Variants in GPR155 observed in about 807,000 individuals in gnomAD.
The protein encoded by GPR155 is lysosomal cholesterol signaling protein.
GPR155 carries 65 observed loss-of-function variants against 93.1 expected under a neutral mutation model. The ratio of observed to expected loss-of-function variants is 0.70; its 90% CI spans 0.57 to 0.86. GPR155 has a LOEUF of 0.86. GPR155 is among the 40% of genes least tolerant of loss of function. GPR155 has a pLI of 0.00. For synonymous variants in GPR155, 319 were observed against 360.1 expected (o/e 0.89, Z 1.29); for missense variants, 838 against 1,034.8 (o/e 0.81, Z 2.61).
intron 9 of GPR155, among the ~76,000 whole-genome samples, chr2:174,460,524 G>A (rs1687660222): frequency 6.6e-6 from 1 of 152,048 alleles, no homozygotes; most frequent in African/African-American, 2.4e-5. Flanking sequence ...TAGAACAGTA[G>A]CTCTTTTAAA....
At chr2:174,459,495 AG>A (rs1351127223) in intron 10 of GPR155, among the ~76,000 whole-genome samples, 2 of 152,246 alleles carry the variant, frequency 1.3e-5, no homozygotes, top group African/African-American at 4.8e-5. Context: ...AACTAGTTCA[AG>A]GAAGTTTCCC....
chr2:174,444,399 G>C (rs1418247841), intron 13 of GPR155, among the ~76,000 whole-genome samples: 1 of 136,622 alleles, frequency 7.3e-6, no homozygotes, highest in Non-Finnish European at 1.6e-5. Flanking sequence ...TGGGCAACAA[G>C]AGCGAAACTC....
chr2:174,450,022 C>T (rs558060461), intron 11 of GPR155, among the ~76,000 whole-genome samples: 1 of 151,158 alleles, frequency 6.6e-6, no homozygotes, highest in African/African-American at 2.4e-5. Flanking sequence ...TGCACACGTC[C>T]GTAGTCCTGG....
intron 1 of GPR155, 62 bp from the exon 2 acceptor site, chr2:174,482,049 C>A: frequency 1.2e-6 from 1 of 800,388 alleles, no homozygotes; most frequent in Non-Finnish European, 2.0e-6. Context: ...TGAAATAATA[C>A]ACTGGCAAAC....
chr2:174,472,606 C>G (rs935265478), intron 3 of GPR155, among the ~76,000 whole-genome samples: 1 of 152,142 alleles, frequency 6.6e-6, no homozygotes, highest in Non-Finnish European at 1.5e-5. Context: ...CTGGTTATCA[C>G]TAAGATGCTT....
intron 14 of GPR155, 55 bp from the exon 15 acceptor site, chr2:174,440,090 T>C: frequency 4.1e-6 from 6 of 1,460,828 alleles, no homozygotes; most frequent in Non-Finnish European, 5.6e-6. Flanking sequence ...GAGAGAGAAC[T>C]CTTCCTGCCT....
At chr2:174,442,827 T>A (rs1168977045) in intron 13 of GPR155, among the ~76,000 whole-genome samples, 1 of 152,098 alleles carries the variant, frequency 6.6e-6, no homozygotes, top group Non-Finnish European at 1.5e-5. Flanking sequence ...AATTTCTTCA[T>A]CCCCCATACT....
intron 6 of GPR155, among the ~76,000 whole-genome samples, chr2:174,466,116 AG>A (rs1304635503): frequency 5.3e-5 from 8 of 152,254 alleles, no homozygotes; most frequent in Admixed American, 2.6e-4. Flanking sequence ...ATTTTATAAC[AG>A]AGCCTTTGAC....
At chr2:174,449,588 T>C (rs544497393) in intron 11 of GPR155, among the ~76,000 whole-genome samples, 7 of 152,234 alleles carry the variant, frequency 4.6e-5, no homozygotes, top group Admixed American at 2.0e-4. Flanking sequence ...CTCATGCCTG[T>C]AGTCCCAGAA....
chr2:174,460,402 C>T (rs1453370472), intron 9 of GPR155, among the ~76,000 whole-genome samples: 4 of 151,738 alleles, frequency 2.6e-5, no homozygotes, highest in Non-Finnish European at 5.9e-5. Context: ...GATCTCGTGA[C>T]CCACCCGCCT....
At chr2:174,442,355 T>A (rs1686990460) in intron 13 of GPR155, among the ~76,000 whole-genome samples, 172 bp from the exon 14 acceptor site, 1 of 152,244 alleles carries the variant, frequency 6.6e-6, no homozygotes, top group Non-Finnish European at 1.5e-5. Flanking sequence ...TATGATGCTT[T>A]GCTGCCTTTT....
rs1686647897 is a variant in GPR155, at chr2:174,431,620, A to G, written c.*4496T>C. On this transcript the variant is annotated 3_prime_UTR_variant, in exon 16 of 16. Transcript: ENST00000392552. Reference sequence around the variant, plus strand: ...ATCATACCAATTGCAGAAATTTATAATCTCATCTTTTCTTGAAGAATGATG... The same window carrying G: ...ATCATACCAATTGCAGAAATTTATAGTCTCATCTTTTCTTGAAGAATGATG... 1 of 152,220 alleles carries G rather than the reference A, an allele frequency of 6.6e-6. No individual in the cohort carries two copies. The allele number at this position is 152,220 out of a possible 1,614,324, so 9.4% of individuals were successfully genotyped here.
Position 174,432,053 on chromosome 2 carries a change from G to A in GPR155, c.*4063C>T, listed in dbSNP as rs1686657506. 1 of 152,224 alleles carries A rather than the reference G, an allele frequency of 6.6e-6. No individual in the cohort carries two copies. The highest frequency in any genetic ancestry group is 3.2e-3 in the Middle Eastern group (1 of 316). 9.4% of individuals were successfully genotyped at this position (152,224 alleles called of 1,614,324 possible). A position where few individuals can be genotyped will look rare whatever the true frequency, so the allele number is the denominator to read the frequency against. On this transcript the variant is annotated 3_prime_UTR_variant, in exon 16 of 16. Transcript: ENST00000392552. ...ATGAAATGTATGAAAAGGACTCAATGTCATATTGACTCATTCATAAAAGTG... is the reference window on the plus strand; with the variant it reads ...ATGAAATGTATGAAAAGGACTCAATATCATATTGACTCATTCATAAAAGTG...
rs1559090197 is a variant in GPR155 at position 174,432,191 on chromosome 2, G to A, written c.*3925C>T. ...GAGAATGTATAGAAAAGACCTCTATGATGGCTTCTGCATTATTCAGATTAC... is the reference window on the plus strand; with the variant it reads ...GAGAATGTATAGAAAAGACCTCTATAATGGCTTCTGCATTATTCAGATTAC... On this transcript the variant is annotated 3_prime_UTR_variant, in exon 16 of 16. Transcript: ENST00000392552. The A allele has an allele frequency of 6.6e-6, 1 of 152,590 alleles. No individual in the cohort carries two copies. The highest frequency in any genetic ancestry group is 2.4e-5 in the African/African-American group (1 of 41,432). 9.5% of individuals were successfully genotyped at this position (152,590 alleles called of 1,614,324 possible).
chr2:174,446,442 C>T (rs962781744), intron 12 of GPR155, among the ~76,000 whole-genome samples, 169 bp downstream of exon 12: 7 of 151,720 alleles, frequency 4.6e-5, no homozygotes, highest in Non-Finnish European at 5.9e-5. Flanking sequence ...GTGAATGATT[C>T]ATCTCTTCCC....
chr2:174,484,945 G>A (rs928944787), intron 1 of GPR155, among the ~76,000 whole-genome samples: 2 of 152,140 alleles, frequency 1.3e-5, no homozygotes, highest in Middle Eastern at 3.2e-3. Context: ...ATATTGTGTG[G>A]ATAGAATATT....
chr2:174,446,746 G>T lies in GPR155; in HGVS notation c.1878C>A (p.Asn626Lys), dbSNP rs150318690. 1.7e-5 allele frequency: 27 copies of T among 1,612,538 alleles called. No homozygotes were observed. The African/African-American group carries it at 3.6e-4, about 22-fold the overall frequency. The change falls in exon 12 of 16, where the codon AAC (asparagine) becomes AAA (lysine). Residue 626 changes from asparagine to lysine, a missense_variant and splice_region_variant. Around this residue, in one of 3 missense-constraint regions of GPR155, gnomAD observed 663 missense variants for 790.1 expected, o/e 0.84. Transcript: ENST00000392552. ...SEPVIPSFEK[N>K]NHCVSRCNSQ... Reference sequence around the variant, plus strand: ...AGTTACAGCGACTCACACAATGATTGTCTATAAAAGAGTAAGCACAACAAT... The same window carrying T: ...AGTTACAGCGACTCACACAATGATTTTCTATAAAAGAGTAAGCACAACAAT...
At chr2:174,465,724 G>C in intron 7 of GPR155, 61 bp downstream of exon 7, 1 of 814,616 alleles carries the variant, frequency 1.2e-6, no homozygotes, top group African/African-American at 1.7e-5. Context: ...GAAGCTCAGG[G>C]CTATTAGGAA....
Position 174,446,744 on chromosome 2 carries a change from T to C in GPR155, c.1880A>G (p.Asn627Ser), listed in dbSNP as rs1481802501. The C allele has an allele frequency of 6.8e-6, 11 of 1,613,658 alleles. No individual in the cohort carries two copies. Among genetic ancestry groups the C allele is most frequent in the Middle Eastern group, 1.7e-4 (1 of 6,060 alleles). The change falls in exon 12 of 16, where the codon AAT becomes AGT. Residue 627 changes from asparagine to serine, a missense_variant. Around this residue, in one of 3 missense-constraint regions of GPR155, gnomAD observed 663 missense variants for 790.1 expected, o/e 0.84. Transcript: ENST00000392552. ...GGAGTTACAGCGACTCACACAATGA[T>C]TGTCTATAAAAGAGTAAGCACAACA... ...EPVIPSFEKN[N>S]HCVSRCNSQS...
Sources: allele counts gnomAD v4.1 joint callset (sites outside exome capture counted in the v4.1 genomes callset), GRCh38; gene constraint gnomAD v4.1.1; regional missense constraint gnomAD v4.1.1; transcripts MANE v1.5; gene names NCBI Gene and HGNC (gene_info 2026-07-23, HGNC 2026-07-21).